ADGRL3: variants seen among roughly 807,000 people sequenced by gnomAD.
The protein encoded by ADGRL3 is adhesion G protein-coupled receptor L3, also known as calcium-independent alpha-latrotoxin receptor 3.
A neutral mutation model predicts 153.5 loss-of-function variants in ADGRL3; 62 were observed. The ratio of observed to expected loss-of-function variants is 0.40; its 90% confidence interval spans 0.33 to 0.50. ADGRL3 has a LOEUF of 0.50. Among genes scored for constraint, ADGRL3 ranks in the 20% least tolerant of loss-of-function variants. ADGRL3 has a pLI of 0.47. For missense variants in ADGRL3, 1,641 were observed against 1,859.4 expected (o/e 0.88, Z 2.16); for synonymous variants, 710 against 672.5 (o/e 1.06, Z -0.86).
At chr4:61,570,448 C>T (rs1463074636) in intron 4 of ADGRL3, among the ~76,000 whole-genome samples, 2 of 152,078 alleles carry the variant, frequency 1.3e-5, no homozygotes, top group Non-Finnish European at 2.9e-5. Flanking sequence ...TCTACCATTG[C>T]CTCTTTCTAA....
intron 1 of ADGRL3, among the ~76,000 whole-genome samples, chr4:61,304,437 G>A (rs1323560371): frequency 6.6e-6 from 1 of 152,180 alleles, no homozygotes. Context: ...GCTCCTGAAT[G>A]GCAGCAGGCA....
At chr4:61,887,799 T>G (rs1336125421) in intron 9 of ADGRL3, among the ~76,000 whole-genome samples, 2 of 151,972 alleles carry the variant, frequency 1.3e-5, no homozygotes, top group African/African-American at 4.8e-5. Flanking sequence ...GAGCCAAGAT[T>G]GCACCACTGC....
intron 25 of ADGRL3, among the ~76,000 whole-genome samples, chr4:62,052,642 T>C (rs1382325491): frequency 6.6e-6 from 1 of 151,402 alleles, no homozygotes; most frequent in Admixed American, 6.6e-5. Flanking sequence ...GCTTTCAAAG[T>C]ATTTTATTTG....
intron 1 of ADGRL3, among the ~76,000 whole-genome samples, chr4:61,341,529 A>G (rs1230329574): frequency 6.6e-6 from 1 of 151,304 alleles, no homozygotes; most frequent in Non-Finnish European, 1.5e-5. Context: ...TATTTATTAT[A>G]TATATATACA....
chr4:61,856,449 T>TTTTTCTTTTC (rs534182515), intron 9 of ADGRL3, among the ~76,000 whole-genome samples: 6 of 148,552 alleles, frequency 4.0e-5, no homozygotes, highest in East Asian at 2.0e-4. Flanking sequence ...CTTCCTTCCT[T>TTTTTCTTTTC]TTTTCTTTTC....
Position 61,421,661 on chromosome 4 carries a change from TTTAA to T in ADGRL3, c.-174+38476_-174+38479del, listed in dbSNP as rs149850983. Among the ~76,000 whole-genome samples the T allele has an allele frequency of 7.3e-3, 1,113 of 152,268 alleles. 12 individuals are homozygous for T. The highest frequency in any genetic ancestry group is 0.017 in the Middle Eastern group (5 of 294). Reference sequence around the variant, plus strand: ...TGATTTAATTTTATGATTAAAATTATTTAATTATTTCTAACTTTATAATTAAAAT... The same window carrying T: ...TGATTTAATTTTATGATTAAAATTATTTATTTCTAACTTTATAATTAAAAT... On this transcript the variant is annotated intron_variant, in intron 2 of 26. Coordinates refer to ENST00000683033, the MANE Select transcript of ADGRL3 (RefSeq NM_001387552.1).
At chr4:61,963,128 T>A (rs768858427) in intron 17 of ADGRL3, among the ~76,000 whole-genome samples, 5 of 149,126 alleles carry the variant, frequency 3.4e-5, no homozygotes, top group African/African-American at 5.0e-5. Flanking sequence ...TATAAGGCTG[T>A]ATTTTTTTTT....
intron 2 of ADGRL3, among the ~76,000 whole-genome samples, chr4:61,443,871 A>C (rs2152482772): frequency 6.6e-6 from 1 of 152,328 alleles, no homozygotes; most frequent in East Asian, 1.9e-4. Flanking sequence ...AAAATTTACT[A>C]ATTCAGTAAC....
chr4:61,415,925 G>C (rs1310218521), intron 2 of ADGRL3, among the ~76,000 whole-genome samples: 1 of 151,828 alleles, frequency 6.6e-6, no homozygotes, highest in African/African-American at 2.4e-5. Context: ...TATTGCTTCT[G>C]AACTGTTTTT....
intron 11 of ADGRL3, among the ~76,000 whole-genome samples, chr4:61,896,928 C>T (rs1376309): frequency 0.5 from 75,184 of 151,884 alleles, 18,786 homozygotes; most frequent in East Asian, 0.55. Context: ...AAAAACAGTC[C>T]CTAGATACTT....
chr4:61,924,634 T>TCCAAACA (rs1213862283), intron 13 of ADGRL3, among the ~76,000 whole-genome samples: 1 of 152,128 alleles, frequency 6.6e-6, no homozygotes, highest in Non-Finnish European at 1.5e-5. Flanking sequence ...TTCACTTTAC[T>TCCAAACA]CCAAACACAT....
chr4:61,403,958 T>G (rs2096962218), intron 2 of ADGRL3, among the ~76,000 whole-genome samples: 1 of 152,056 alleles, frequency 6.6e-6, no homozygotes, highest in South Asian at 2.1e-4. Flanking sequence ...CTTATCGTCT[T>G]ATTTAATCTT....
chr4:61,857,985 G>A (rs941657935), intron 9 of ADGRL3, among the ~76,000 whole-genome samples: 1 of 152,140 alleles, frequency 6.6e-6, no homozygotes, highest in Non-Finnish European at 1.5e-5. Context: ...CAGAATCATT[G>A]GGAACTTGAT....
chr4:61,591,582 G>T (rs184831752), intron 5 of ADGRL3, among the ~76,000 whole-genome samples: 35 of 152,166 alleles, frequency 2.3e-4, no homozygotes, highest in Non-Finnish European at 4.4e-4. Flanking sequence ...TAGATATGTT[G>T]CTTGTATTTT....
rs568483884 is a variant in ADGRL3 at position 62,077,855 on chromosome 4, A to G, written c.*6947A>G. On this transcript the variant is annotated 3_prime_UTR_variant, in exon 27 of 27. Transcript: ENST00000683033. ...AGACAATCAGAATGTGTTCATTTAT[A>G]AAGTATCACTGGTTTGTATATTTTA... 1.3e-5 allele frequency: 2 copies of G among 152,124 alleles called. No individual in the cohort carries two copies. Among genetic ancestry groups the G allele is most frequent in the Non-Finnish European group, 2.9e-5 (2 of 67,900 alleles). The allele number at this position is 152,124 out of a possible 1,614,324, so 9.4% of individuals were successfully genotyped here.
intron 21 of ADGRL3, among the ~76,000 whole-genome samples, chr4:62,017,273 A>G (rs1223724667): frequency 6.6e-6 from 1 of 151,894 alleles, no homozygotes; most frequent in African/African-American, 2.4e-5. Context: ...AAAAATACAC[A>G]TATTGAAGTT....
At chr4:61,986,318 AT>A (rs1320106969) in intron 19 of ADGRL3, among the ~76,000 whole-genome samples, 1 of 151,992 alleles carries the variant, frequency 6.6e-6, no homozygotes, top group Non-Finnish European at 1.5e-5. Flanking sequence ...TTTTACATCA[AT>A]TTTTTTCTCC....
chr4:61,939,945 T>A (rs2098874437), intron 15 of ADGRL3, among the ~76,000 whole-genome samples: 1 of 152,008 alleles, frequency 6.6e-6, no homozygotes, highest in South Asian at 2.1e-4. Context: ...ATTTTTTTAT[T>A]ATACTCTAAG....
At chr4:61,234,846 A>T (rs1184125560) in intron 1 of ADGRL3, among the ~76,000 whole-genome samples, 1 of 152,170 alleles carries the variant, frequency 6.6e-6, no homozygotes, top group Non-Finnish European at 1.5e-5. Flanking sequence ...TGGGAAAGAA[A>T]AAAAGGAAGG....
Sources: allele counts gnomAD v4.1 joint callset (sites outside exome capture counted in the v4.1 genomes callset), GRCh38; gene constraint gnomAD v4.1.1; transcripts MANE v1.5; gene names NCBI Gene and HGNC (gene_info 2026-07-23, HGNC 2026-07-21).